Variants in ZHX2 observed in about 807,000 individuals in gnomAD.
ZHX2 encodes the protein zinc fingers and homeoboxes 2.
A neutral mutation model predicts 21.9 loss-of-function variants in ZHX2; 6 were observed. The observed-to-expected ratio is 0.27, with a 90% CI of 0.15 to 0.54. The LOEUF is 0.54. Among genes scored for constraint, ZHX2 ranks in the 20% least tolerant of loss-of-function variants. The probability of loss-of-function intolerance (pLI) is 0.95; values close to 1 mark genes in which losing one functional copy is unlikely to be tolerated. For synonymous variants in ZHX2, 434 were observed against 437.1 expected (o/e 0.99, Z 0.09); for missense variants, 908 against 1,090.7 (o/e 0.83, Z 2.36).
intron 2 of ZHX2, among the ~76,000 whole-genome samples, chr8:122,948,377 G>A (rs1029140985): frequency 1.1e-4 from 17 of 151,926 alleles, no homozygotes; most frequent in African/African-American, 2.7e-4. Context: ...CTCTATTCTC[G>A]GTTCTGGGTT....
intron 3 of ZHX2, among the ~76,000 whole-genome samples, chr8:122,960,060 G>C (rs988366383): frequency 1.8e-4 from 27 of 152,332 alleles, no homozygotes; most frequent in African/African-American, 6.3e-4. Context: ...CTGGAAGGCA[G>C]TGTGCCCAGC....
intron 2 of ZHX2, among the ~76,000 whole-genome samples, chr8:122,907,395 A>G (rs1353824195): frequency 1.3e-5 from 2 of 152,200 alleles, no homozygotes; most frequent in South Asian, 2.1e-4. Context: ...GATAGGTGAG[A>G]CACAAATGGT....
At chr8:122,875,129 TTATATATATATA>T (rs71310631) in intron 2 of ZHX2, among the ~76,000 whole-genome samples, 23 of 10,208 alleles carry the variant, frequency 2.3e-3, no homozygotes, top group Admixed American at 6.3e-3. Context: ...GAAAACTCTG[TTATATATATATA>T]TATATATATA....
intron 1 of ZHX2, among the ~76,000 whole-genome samples, chr8:122,809,754 G>T (rs182911834): frequency 1.3e-5 from 2 of 152,140 alleles, no homozygotes; most frequent in African/African-American, 2.4e-5. Context: ...AAGTGAGTTC[G>T]AATCATGGCT....
intron 1 of ZHX2, among the ~76,000 whole-genome samples, chr8:122,820,553 G>A (rs1170065377): frequency 3.3e-5 from 5 of 152,204 alleles, no homozygotes; most frequent in Admixed American, 1.3e-4. Context: ...GAGCGGGAGC[G>A]GGGGATGGGG....
At chr8:122,796,624 G>T (rs959397890) in intron 1 of ZHX2, among the ~76,000 whole-genome samples, 1 of 152,134 alleles carries the variant, frequency 6.6e-6, no homozygotes, top group Non-Finnish European at 1.5e-5. Context: ...TTGTGGAAAC[G>T]CTGTCCTGAA....
chr8:122,789,025 T>G (rs1385229197), intron 1 of ZHX2, among the ~76,000 whole-genome samples: 2 of 152,162 alleles, frequency 1.3e-5, no homozygotes. Flanking sequence ...TCCTCGGATC[T>G]GGAGAGAAGG....
intron 2 of ZHX2, among the ~76,000 whole-genome samples, chr8:122,893,579 T>C (rs539848129): frequency 1.3e-4 from 20 of 152,314 alleles, no homozygotes; most frequent in Admixed American, 5.9e-4. Context: ...AGTTTAGAAA[T>C]TCTTTTTTCT....
intron 2 of ZHX2, among the ~76,000 whole-genome samples, chr8:122,946,949 T>C (rs1335536088): frequency 6.6e-6 from 1 of 151,980 alleles, no homozygotes; most frequent in Admixed American, 6.6e-5. Context: ...TCCCAAGAGA[T>C]AGCCTCCCTA....
chr8:122,884,071 A>G (rs1003332613), intron 2 of ZHX2, among the ~76,000 whole-genome samples: 1 of 152,238 alleles, frequency 6.6e-6, no homozygotes, highest in African/African-American at 2.4e-5. Flanking sequence ...TATTGCTCCT[A>G]GGCTATAGAC....
rs541296871 is a variant in ZHX2 at position 122,936,086 on chromosome 8, T to C, written c.-219-15206T>C. Among the ~76,000 whole-genome samples the C allele has an allele frequency of 5.3e-5, 8 of 152,256 alleles. No individual in the cohort carries two copies. In the South Asian group the frequency reaches 1.5e-3, roughly 28 times the overall value. On this transcript the variant is annotated intron_variant, in intron 2 of 3. Transcript: ENST00000314393. ...CCTGAGCTATGTTTATATTTCTATG[T>C]CCGAAAAGAAAAAAACAACGATAGA...
intron 2 of ZHX2, among the ~76,000 whole-genome samples, chr8:122,881,370 C>A (rs1177090344): frequency 6.6e-6 from 1 of 152,142 alleles, no homozygotes; most frequent in East Asian, 1.9e-4. Flanking sequence ...ATTTGTGGCC[C>A]ACCATTTACC....
At chr8:122,798,812 A>AG (rs1156819107) in intron 1 of ZHX2, among the ~76,000 whole-genome samples, 12 of 152,100 alleles carry the variant, frequency 7.9e-5, no homozygotes, top group African/African-American at 2.4e-4. Context: ...AAAAAAAAAA[A>AG]AAAGAAAGAA....
intron 1 of ZHX2, among the ~76,000 whole-genome samples, chr8:122,783,459 C>G (rs1817333044): frequency 6.6e-6 from 1 of 152,044 alleles, no homozygotes; most frequent in Non-Finnish European, 1.5e-5. Flanking sequence ...TCTTGAATTG[C>G]CCAGACCTCC....
intron 2 of ZHX2, among the ~76,000 whole-genome samples, chr8:122,883,253 A>G (rs948175220): frequency 6.6e-6 from 1 of 152,046 alleles, no homozygotes; most frequent in Non-Finnish European, 1.5e-5. Context: ...TATGTGTGCA[A>G]TGCTCGACCT....
chr8:122,822,552 CT>C (rs1446811709), intron 1 of ZHX2, among the ~76,000 whole-genome samples: 5 of 152,172 alleles, frequency 3.3e-5, no homozygotes, highest in Non-Finnish European at 2.9e-5. Flanking sequence ...GAAGTGGTAA[CT>C]GAGCTGAAAA....
Position 122,930,630 on chromosome 8 carries a change from CCTGG to C in ZHX2, c.-219-20659_-219-20656del, listed in dbSNP as rs369403836. Among the ~76,000 whole-genome samples, 634 of 151,524 alleles carry C rather than the reference CCTGG, an allele frequency of 4.2e-3. 1 individual carries two copies. The highest frequency in any genetic ancestry group is 6.8e-3 in the Middle Eastern group (2 of 292). ...GGGGTTACAGGCACCAGCCACCACG[CCTGG>C]CTAATTTTTGTTTTTTTTTTTTTTT... On this transcript the variant is annotated intron_variant, in intron 2 of 3. Coordinates refer to ENST00000314393, the MANE Select transcript of ZHX2 (RefSeq NM_014943.5).
At chr8:122,922,828 C>CTTTA (rs1674066878) in intron 2 of ZHX2, among the ~76,000 whole-genome samples, 1 of 152,286 alleles carries the variant, frequency 6.6e-6, no homozygotes, top group South Asian at 2.1e-4. Context: ...TTAACAGTAA[C>CTTTA]ACATGAACCA....
chr8:122,865,969 C>T (rs777297319), intron 2 of ZHX2, among the ~76,000 whole-genome samples: 1 of 152,100 alleles, frequency 6.6e-6, no homozygotes, highest in South Asian at 2.1e-4. Flanking sequence ...CCTCCTGGCT[C>T]CCTCTGGTCC....
Sources: gnomAD v4.1 joint callset for allele counts (sites outside exome capture counted in the v4.1 genomes callset) on GRCh38, gnomAD v4.1.1 for gene constraint, MANE v1.5 for transcripts, NCBI Gene and HGNC (gene_info 2026-07-23, HGNC 2026-07-21) for gene names.